The following JMJD1C variants were observed in gnomAD, a reference collection of about 807,000 sequenced individuals.
JMJD1C encodes the protein jumonji domain containing 1C.
A neutral mutation model predicts 245.3 loss-of-function variants in JMJD1C; 31 were observed. The ratio of observed to expected loss-of-function variants is 0.13; its 90% CI spans 0.09 to 0.17. The LOEUF (loss-of-function observed/expected upper bound fraction) is 0.17, where lower values mean the gene tolerates loss of function less well. Among genes scored for constraint, JMJD1C ranks in the 10% least tolerant of loss-of-function variants. The pLI is 1.00. For missense variants in JMJD1C, 2,691 were observed against 3,000.2 expected (o/e 0.90, Z 2.41); for synonymous variants, 1,057 against 1,017.4 (o/e 1.04, Z -0.74).
upstream of JMJD1C, among the ~76,000 whole-genome samples, chr10:63,469,321 G>A (rs1169954753): frequency 6.6e-6 from 1 of 152,178 alleles, no homozygotes; most frequent in Non-Finnish European, 1.5e-5. Context: ...TCATTTTGAG[G>A]ATAAAGAAAA....
intron 2 of JMJD1C, among the ~76,000 whole-genome samples, chr10:63,328,031 T>A (rs1408310784): frequency 6.6e-6 from 1 of 151,972 alleles, no homozygotes; most frequent in Non-Finnish European, 1.5e-5. Flanking sequence ...TCCCAACACT[T>A]TGGGAGGCCA....
chr10:63,297,246 C>G (rs966373865), intron 2 of JMJD1C, among the ~76,000 whole-genome samples: 7 of 152,246 alleles, frequency 4.6e-5, no homozygotes, highest in Non-Finnish European at 5.9e-5. Context: ...ACCCAGAGAA[C>G]TTCCTTGATG....
chr10:63,412,387 G>A (rs1054497939), intron 1 of JMJD1C, among the ~76,000 whole-genome samples: 6 of 152,176 alleles, frequency 3.9e-5, no homozygotes, highest in Non-Finnish European at 5.9e-5. Context: ...CGAAGTTTGC[G>A]AGATTGCACT....
rs1314646918 is a variant in JMJD1C, at chr10:63,207,139, C to G, written c.4530G>C (p.Gln1510His). The G allele has an allele frequency of 6.2e-7, 1 of 1,614,114 alleles. No individual in the cohort carries two copies. Among genetic ancestry groups the G allele is most frequent in the South Asian group, 1.1e-5 (1 of 91,068 alleles). ...SETEPNAIKNQTLSASLPLDS... is the reference protein window; with the variant it reads ...SETEPNAIKNHTLSASLPLDS... Reference sequence around the variant, plus strand: ...CCAGAGGAAGGGAGGCTGAAAGTGTCTGATTTTTTATAGCATTAGGTTCAG... The same window carrying G: ...CCAGAGGAAGGGAGGCTGAAAGTGTGTGATTTTTTATAGCATTAGGTTCAG... Residue 1510 changes from glutamine to histidine, a missense_variant, in exon 10 of 26, where the codon CAG becomes CAC. Gln to His is a conservative substitution (Grantham distance 24). Coordinates refer to ENST00000399262, the MANE Select transcript of JMJD1C (RefSeq NM_032776.3).
intron 4 of JMJD1C, among the ~76,000 whole-genome samples, chr10:63,218,773 G>C (rs758160322): frequency 1.3e-5 from 2 of 152,132 alleles, no homozygotes; most frequent in African/African-American, 2.4e-5. Flanking sequence ...GGGAAAAAAA[G>C]AGCAACAATG....
At chr10:63,381,405 C>A (rs138457427) in intron 1 of JMJD1C, among the ~76,000 whole-genome samples, 37 of 152,182 alleles carry the variant, frequency 2.4e-4, no homozygotes, top group African/African-American at 8.4e-4. Context: ...CCCAGCTACT[C>A]AGGAAGCTAA....
At chr10:63,353,091 T>C (rs1251188035) in intron 2 of JMJD1C, among the ~76,000 whole-genome samples, 1 of 152,208 alleles carries the variant, frequency 6.6e-6, no homozygotes, top group Non-Finnish European at 1.5e-5. Context: ...TAAATGAAGT[T>C]AGGAAAATTT....
intron 3 of JMJD1C, among the ~76,000 whole-genome samples, chr10:63,223,605 T>C (rs930881275): frequency 5.9e-5 from 9 of 152,184 alleles, no homozygotes; most frequent in African/African-American, 2.2e-4. Flanking sequence ...GTGTTGGAAT[T>C]TTACAACTTA....
At position 63,296,358 on chromosome 10, in the gene JMJD1C, C is replaced by A. The variant is rs185673831; in HGVS notation, c.334-31594G>T. Among the ~76,000 whole-genome samples, 471 of 152,184 alleles carry A rather than the reference C, an allele frequency of 3.1e-3. 2 individuals are homozygous for A. The highest frequency in any genetic ancestry group is 5.4e-3 in the Non-Finnish European group (367 of 68,014). On this transcript the variant is annotated intron_variant, in intron 2 of 25. Coordinates refer to ENST00000399262, the MANE Select transcript of JMJD1C (RefSeq NM_032776.3). ...AGATCACGAACAGCAGCACTATTAA[C>A]TCATGCCTAAATGAAACTTGTCTAA... is the stretch of plus-strand genomic sequence containing the variant.
At chr10:63,305,942 T>G (rs1938159131) in intron 2 of JMJD1C, among the ~76,000 whole-genome samples, 1 of 151,794 alleles carries the variant, frequency 6.6e-6, no homozygotes, top group South Asian at 2.1e-4. Flanking sequence ...CACGCTGGAA[T>G]CAAACTTCTG....
chr10:63,348,059 T>C (rs993078500), intron 2 of JMJD1C, among the ~76,000 whole-genome samples: 1 of 151,618 alleles, frequency 6.6e-6, no homozygotes, highest in African/African-American at 2.4e-5. Context: ...TTACTAAAAA[T>C]ACAAAAATTA....
intron 1 of JMJD1C, among the ~76,000 whole-genome samples, chr10:63,460,294 C>T (rs575493855): frequency 6.6e-6 from 1 of 152,210 alleles, no homozygotes; most frequent in Non-Finnish European, 1.5e-5. Flanking sequence ...AGGTGGGAGG[C>T]TCACTTGAGG....
rs1848077535 is a variant in JMJD1C, at chr10:63,217,078, T to C, written c.678+129A>G. The C allele has an allele frequency of 1.1e-4, 85 of 790,988 alleles. 3 individuals are homozygous for C. The South Asian group carries it at 1.6e-3, about 15-fold the overall frequency. 49.0% of individuals were successfully genotyped at this position (790,988 alleles called of 1,614,324 possible). A position where few individuals can be genotyped will look rare whatever the true frequency, so the allele number is the denominator to read the frequency against. ...ATGTAATATCAGATACATTTAAACTTACTAGAATTACACGACTAAAAACCC... is the reference window on the plus strand; with the variant it reads ...ATGTAATATCAGATACATTTAAACTCACTAGAATTACACGACTAAAAACCC... On this transcript the variant is annotated intron_variant, in intron 5 of 25. Transcript: ENST00000399262.
At chr10:63,248,601 TG>T in intron 3 of JMJD1C, among the ~76,000 whole-genome samples, 1 of 152,022 alleles carries the variant, frequency 6.6e-6, no homozygotes, top group African/African-American at 2.4e-5. Flanking sequence ...GTTGAATATG[TG>T]GGAAAAGGGG....
chr10:63,456,253 C>G (rs1047718688), intron 1 of JMJD1C, among the ~76,000 whole-genome samples: 2 of 151,968 alleles, frequency 1.3e-5, no homozygotes, highest in Admixed American at 1.3e-4. Flanking sequence ...CTAAAATAGG[C>G]TCTACATAGT....
At chr10:63,187,231 A>G (rs1401083930) in intron 18 of JMJD1C, among the ~76,000 whole-genome samples, 2 of 152,166 alleles carry the variant, frequency 1.3e-5, no homozygotes, top group East Asian at 3.8e-4. Context: ...CCAATAATAT[A>G]TACGACTTTA....
chr10:63,226,411 T>C (rs1264352661), intron 3 of JMJD1C, among the ~76,000 whole-genome samples: 1 of 151,958 alleles, frequency 6.6e-6, no homozygotes. Flanking sequence ...TTTTTTCACG[T>C]GTACAGGAGG....
At chr10:63,321,161 T>A (rs1940809583) in intron 2 of JMJD1C, among the ~76,000 whole-genome samples, 1 of 152,212 alleles carries the variant, frequency 6.6e-6, no homozygotes, top group Non-Finnish European at 1.5e-5. Context: ...CCAGATCCCA[T>A]CCCATGTATC....
At chr10:63,213,379 G>A in intron 8 of JMJD1C, 94 bp downstream of exon 8, 9 of 784,276 alleles carry the variant, frequency 1.1e-5, no homozygotes, top group Non-Finnish European at 1.8e-5. Context: ...TTTTATAATA[G>A]GAAATGACCT....
Sources: gnomAD v4.1 joint callset for allele counts (sites outside exome capture counted in the v4.1 genomes callset) on GRCh38, gnomAD v4.1.1 for gene constraint, MANE v1.5 for transcripts, NCBI Gene and HGNC (gene_info 2026-07-23, HGNC 2026-07-21) for gene names.